The following ANO3 variants were observed in gnomAD, a reference collection of about 807,000 sequenced individuals.
ANO3 encodes the protein anoctamin 3, also known as anoctamin-3.
In ANO3, 99 loss-of-function variants were observed where a neutral mutation model predicts 144.8. The observed-to-expected ratio is 0.68, with a 90% CI of 0.58 to 0.81. The LOEUF is 0.81. ANO3 is among the 30% of genes least tolerant of loss of function. ANO3 has a pLI of 0.00. For synonymous variants in ANO3, 414 were observed against 392.6 expected (o/e 1.05, Z -0.64); for missense variants, 905 against 1,202.2 (o/e 0.75, Z 3.66).
intron 1 of ANO3, among the ~76,000 whole-genome samples, chr11:26,247,108 T>A (rs1225220009): frequency 6.6e-6 from 1 of 152,242 alleles, no homozygotes; most frequent in Non-Finnish European, 1.5e-5. Context: ...AATTTAAAAA[T>A]GATTTCTTCT....
At chr11:26,640,255 G>A (rs537479076) in intron 21 of ANO3, among the ~76,000 whole-genome samples, 5 of 152,258 alleles carry the variant, frequency 3.3e-5, no homozygotes, top group African/African-American at 1.2e-4. Flanking sequence ...TTATAAAATA[G>A]GATATTTATG....
rs563199865 is a variant in ANO3 at position 26,443,858 on chromosome 11, A to T, written c.313+22A>T. ...TTGGGTAAGTTGATAATCAGTATTT[A>T]CCTACTCCTTTCCCTCTCTCCAAAG... is the stretch of plus-strand genomic sequence containing the variant. On this transcript the variant is annotated intron_variant, in intron 3 of 26. Coordinates refer to ENST00000256737, the MANE Select transcript of ANO3 (RefSeq NM_031418.4). 7 of 1,536,294 alleles carry T rather than the reference A, an allele frequency of 4.6e-6. No individual in the cohort carries two copies. In the African/African-American group the frequency reaches 8.2e-5, roughly 18 times the overall value.
chr11:26,407,340 T>G (rs1397962252), intron 1 of ANO3, among the ~76,000 whole-genome samples: 2 of 151,556 alleles, frequency 1.3e-5, no homozygotes, highest in Non-Finnish European at 2.9e-5. Flanking sequence ...TTCGTTTCCT[T>G]CTACTACTCC....
intron 17 of ANO3, among the ~76,000 whole-genome samples, chr11:26,621,798 T>G (rs1272691699): frequency 6.6e-6 from 1 of 152,156 alleles, no homozygotes; most frequent in African/African-American, 2.4e-5. Context: ...ATAAGAGAAT[T>G]TCAGCTTACT....
intron 4 of ANO3, among the ~76,000 whole-genome samples, chr11:26,484,834 C>G (rs1302878313): frequency 6.6e-6 from 1 of 152,158 alleles, no homozygotes; most frequent in African/African-American, 2.4e-5. Context: ...AAAGCCAAGC[C>G]CTTTCATCAG....
At chr11:26,623,096 T>A (rs1852468269) in intron 17 of ANO3, among the ~76,000 whole-genome samples, 1 of 152,190 alleles carries the variant, frequency 6.6e-6, no homozygotes, top group Non-Finnish European at 1.5e-5. Flanking sequence ...AAAATTATAG[T>A]TTGTGTATAG....
intron 17 of ANO3, among the ~76,000 whole-genome samples, chr11:26,619,679 C>T (rs1852358888): frequency 6.6e-6 from 1 of 152,038 alleles, no homozygotes; most frequent in Admixed American, 6.6e-5. Flanking sequence ...GTTGGCCTGG[C>T]TGGTCTCAAA....
Position 26,634,262 on chromosome 11 carries a change from CCA to C in ANO3, c.1933_1934del (p.Gln645ValfsTer27), listed in dbSNP as rs1852880280. 1 of 1,613,888 alleles carries C rather than the reference CCA, an allele frequency of 6.2e-7. No individual in the cohort carries two copies. The highest frequency in any genetic ancestry group is 8.5e-7 in the Non-Finnish European group (1 of 1,179,916). On this transcript the variant is annotated frameshift_variant, in exon 19 of 27. Transcript: ENST00000256737. LOFTEE classifies it high-confidence loss of function. ...NSFALKMFLFQFVNLNSSIFY... is the reference protein window; with the variant it reads ...NSFALKMFLFXFVNLNSSIFY... ...GCTTCGCCCTGAAGATGTTCCTCTT[CCA>C]GTTTGTCAATTTAAACAGTTCCATC...
intron 1 of ANO3, among the ~76,000 whole-genome samples, chr11:26,422,817 A>G (rs1857792639): frequency 1.3e-5 from 2 of 152,058 alleles, no homozygotes; most frequent in South Asian, 4.1e-4. Context: ...TAGTAATGCC[A>G]AGCAAGGATG....
At chr11:26,369,769 ATACTC>A (rs1284235175) in intron 1 of ANO3, among the ~76,000 whole-genome samples, 1 of 152,130 alleles carries the variant, frequency 6.6e-6, no homozygotes, top group Admixed American at 6.6e-5. Flanking sequence ...ACACTATTGA[ATACTC>A]TATTGTTTAC....
chr11:26,195,005 G>A lies in ANO3; in HGVS notation c.154+5675G>A, dbSNP rs146624870. 4.3e-4 allele frequency among the ~76,000 whole-genome samples: 65 copies of A among 152,308 alleles called. 1 individual carries two copies. In the East Asian group the frequency reaches 0.011, roughly 25 times the overall value. ...GTTACAAACATTCCAATTGCATTCT[G>A]ATGAAATGTCAGACTGCAAAGAAAA... On this transcript the variant is annotated intron_variant, in intron 1 of 27. Transcript: ENST00000672621.
chr11:26,258,717 G>T (rs1007664876), intron 1 of ANO3, among the ~76,000 whole-genome samples: 1 of 152,246 alleles, frequency 6.6e-6, no homozygotes, highest in South Asian at 2.1e-4. Flanking sequence ...AAGATGCAAG[G>T]TTAAACACTG....
intron 1 of ANO3, among the ~76,000 whole-genome samples, chr11:26,229,752 T>G (rs1409472810): frequency 6.6e-6 from 1 of 151,496 alleles, no homozygotes; most frequent in Non-Finnish European, 1.5e-5. Context: ...AACAAGAAGT[T>G]AGAAAGGGTG....
At chr11:26,441,466 G>C (rs1858521338) in intron 1 of ANO3, among the ~76,000 whole-genome samples, 1 of 152,110 alleles carries the variant, frequency 6.6e-6, no homozygotes, top group African/African-American at 2.4e-5. Flanking sequence ...CAGCCTCTAA[G>C]TCACTGTTAG....
At chr11:26,219,464 T>C (rs535061015) in intron 1 of ANO3, among the ~76,000 whole-genome samples, 119 of 152,176 alleles carry the variant, frequency 7.8e-4, no homozygotes, top group Non-Finnish European at 1.3e-3. Flanking sequence ...GTTTTCATTA[T>C]GGTTAAGTAA....
At chr11:26,201,841 G>C (rs1233079401) in intron 1 of ANO3, among the ~76,000 whole-genome samples, 1 of 150,940 alleles carries the variant, frequency 6.6e-6, no homozygotes, top group Non-Finnish European at 1.5e-5. Context: ...ATCTGTAGAA[G>C]AGGTGTAAGA....
chr11:26,440,599 A>G (rs530183954), intron 1 of ANO3, among the ~76,000 whole-genome samples: 13 of 152,242 alleles, frequency 8.5e-5, no homozygotes, highest in African/African-American at 2.9e-4. Context: ...TACAATAAGG[A>G]TATCTACTCC....
chr11:26,282,860 A>G (rs916594298), intron 1 of ANO3, among the ~76,000 whole-genome samples: 1 of 152,172 alleles, frequency 6.6e-6, no homozygotes, highest in Admixed American at 6.5e-5. Flanking sequence ...TATATTTGTC[A>G]ATGGCCATAA....
At chr11:26,454,664 A>G (rs973548654) in intron 3 of ANO3, among the ~76,000 whole-genome samples, 3 of 151,886 alleles carry the variant, frequency 2.0e-5, no homozygotes, top group African/African-American at 7.2e-5. Context: ...AGGAACTGGT[A>G]CCATTCCTTC....
Sources: gnomAD v4.1 joint callset for allele counts (sites outside exome capture counted in the v4.1 genomes callset) on GRCh38, gnomAD v4.1.1 for gene constraint, MANE v1.5 for transcripts, NCBI Gene and HGNC (gene_info 2026-07-23, HGNC 2026-07-21) for gene names.